The following SYT1 variants were observed in gnomAD, a reference collection of about 807,000 sequenced individuals.
SYT1 encodes synaptotagmin 1, also known as synaptotagmin-1.
In SYT1, 8 loss-of-function variants were observed where a neutral mutation model predicts 44.8. The ratio of observed to expected loss-of-function variants is 0.18; its 90% CI spans 0.10 to 0.32. The LOEUF (loss-of-function observed/expected upper bound fraction) is 0.32. SYT1 is among the 10% of genes least tolerant of loss of function. The pLI is 1.00. For synonymous variants in SYT1, 154 were observed against 188.8 expected (o/e 0.82, Z 1.51); for missense variants, 286 against 509.3 (o/e 0.56, Z 4.22).
intron 2 of SYT1, among the ~76,000 whole-genome samples, chr12:79,005,574 C>A (rs576753091): frequency 2.0e-5 from 3 of 152,036 alleles, no homozygotes; most frequent in African/African-American, 7.2e-5. Context: ...GGAAGCCCTT[C>A]AGAAGTGATT....
intron 3 of SYT1, among the ~76,000 whole-genome samples, chr12:79,204,411 A>G (rs908627390): frequency 6.6e-6 from 1 of 152,240 alleles, no homozygotes; most frequent in Non-Finnish European, 1.5e-5. Flanking sequence ...CTGCAAGCTC[A>G]GATTTTCTGT....
intron 3 of SYT1, among the ~76,000 whole-genome samples, chr12:79,148,952 G>A (rs1483960396): frequency 1.3e-5 from 2 of 152,000 alleles, no homozygotes; most frequent in Non-Finnish European, 2.9e-5. Flanking sequence ...GTTTAAATTA[G>A]TTCTTGTATA....
intron 4 of SYT1, among the ~76,000 whole-genome samples, chr12:79,259,790 C>T (rs952157911): frequency 2.0e-5 from 3 of 152,106 alleles, no homozygotes; most frequent in African/African-American, 7.2e-5. Flanking sequence ...TATGTGGAGC[C>T]ATATGGGGCA....
chr12:79,037,624 A>G (rs1873219134), intron 2 of SYT1, among the ~76,000 whole-genome samples: 1 of 151,760 alleles, frequency 6.6e-6, no homozygotes. Flanking sequence ...AAAGAGAAAA[A>G]ATAGGAAAAT....
intron 2 of SYT1, among the ~76,000 whole-genome samples, chr12:78,994,273 A>G (rs1369225210): frequency 1.3e-5 from 2 of 152,124 alleles, no homozygotes; most frequent in Non-Finnish European, 2.9e-5. Context: ...TATCATTTCA[A>G]TTGCACCAAC....
intron 4 of SYT1, among the ~76,000 whole-genome samples, chr12:79,275,024 G>T (rs1202665790): frequency 6.6e-6 from 1 of 152,134 alleles, no homozygotes; most frequent in Non-Finnish European, 1.5e-5. Context: ...GCCCCACCAG[G>T]TGGCTAGATC....
chr12:79,318,435 CT>C (rs1881204227), intron 8 of SYT1, among the ~76,000 whole-genome samples: 1 of 152,200 alleles, frequency 6.6e-6, no homozygotes, highest in Non-Finnish European at 1.5e-5. Context: ...CAATATTTCT[CT>C]TTTCATGTGA....
At chr12:79,274,497 A>G (rs2138783390) in intron 4 of SYT1, among the ~76,000 whole-genome samples, 1 of 152,286 alleles carries the variant, frequency 6.6e-6, no homozygotes, top group South Asian at 2.1e-4. Flanking sequence ...TCTCTGGAAC[A>G]TTACCCCAGT....
chr12:79,451,674 C>T lies in SYT1; in HGVS notation c.*2550C>T, dbSNP rs2136217094. The T allele has an allele frequency of 6.6e-6, 1 of 152,282 alleles. No homozygotes were observed. Among genetic ancestry groups the T allele is most frequent in the South Asian group, 2.1e-4 (1 of 4,824 alleles). The allele number at this position is 152,282 out of a possible 1,614,324, so 9.4% of individuals were successfully genotyped here. ...GACCAAGATTCATCCTCAAATAAGC[C>T]ACATGTACCCTTCTGACAAAGCTGT... is the stretch of plus-strand genomic sequence containing the variant. On this transcript the variant is annotated 3_prime_UTR_variant, in exon 11 of 11. Transcript: ENST00000261205.
intron 4 of SYT1, among the ~76,000 whole-genome samples, chr12:79,230,553 A>C (rs1366331454): frequency 1.3e-5 from 2 of 152,212 alleles, no homozygotes; most frequent in Non-Finnish European, 2.9e-5. Context: ...CTGGGGTAAT[A>C]CTGATTTTAA....
At chr12:79,267,613 T>G (rs78786133) in intron 4 of SYT1, among the ~76,000 whole-genome samples, 4,048 of 152,324 alleles carry the variant, frequency 0.027, 106 homozygotes, top group East Asian at 0.13. Context: ...GATGAATGGA[T>G]TTCCCTTTAA....
chr12:79,237,240 A>T (rs1460504977), intron 4 of SYT1, among the ~76,000 whole-genome samples: 1 of 152,238 alleles, frequency 6.6e-6, no homozygotes, highest in Non-Finnish European at 1.5e-5. Context: ...CTGGGTAACC[A>T]TTCCAGGGTT....
At chr12:79,044,646 T>A (rs1380332376) in intron 2 of SYT1, among the ~76,000 whole-genome samples, 1 of 150,232 alleles carries the variant, frequency 6.7e-6, no homozygotes, top group Non-Finnish European at 1.5e-5. Context: ...TCATTCTCCA[T>A]CCAGCTTTGT....
At chr12:78,884,799 A>G (rs1025949334) in intron 1 of SYT1, among the ~76,000 whole-genome samples, 1 of 151,840 alleles carries the variant, frequency 6.6e-6, no homozygotes, top group African/African-American at 2.4e-5. Context: ...AAATCTTTTT[A>G]AAACAAAAAG....
chr12:78,969,653 CTG>C (rs1565741831), intron 1 of SYT1, among the ~76,000 whole-genome samples: 1 of 152,068 alleles, frequency 6.6e-6, no homozygotes, highest in African/African-American at 2.4e-5. Flanking sequence ...TTTGATTTGA[CTG>C]TGATATAATG....
At chr12:79,269,454 C>A (rs1394653923) in intron 4 of SYT1, among the ~76,000 whole-genome samples, 1 of 152,110 alleles carries the variant, frequency 6.6e-6, no homozygotes, top group Non-Finnish European at 1.5e-5. Context: ...TCTCTCACTC[C>A]ACCTCTGCAT....
At chr12:78,997,357 T>A (rs1395605708) in intron 2 of SYT1, among the ~76,000 whole-genome samples, 1 of 152,162 alleles carries the variant, frequency 6.6e-6, no homozygotes, top group East Asian at 1.9e-4. Context: ...TAAAGAAAGG[T>A]CACCAAAATA....
chr12:78,996,597 A>G (rs2137510486), intron 2 of SYT1, among the ~76,000 whole-genome samples: 1 of 152,288 alleles, frequency 6.6e-6, no homozygotes, highest in East Asian at 1.9e-4. Flanking sequence ...TGACACTGTT[A>G]CCTATCAATA....
chr12:79,318,273 G>A (rs550382315), intron 8 of SYT1, among the ~76,000 whole-genome samples: 1 of 152,268 alleles, frequency 6.6e-6, no homozygotes, highest in East Asian at 1.9e-4. Flanking sequence ...GTCACCGGGT[G>A]ACCCGTACTC....
Sources: gnomAD v4.1 joint callset for allele counts (sites outside exome capture counted in the v4.1 genomes callset) on GRCh38, gnomAD v4.1.1 for gene constraint, MANE v1.5 for transcripts, NCBI Gene and HGNC (gene_info 2026-07-23, HGNC 2026-07-21) for gene names.